WDR20: variants seen among roughly 807,000 people sequenced by gnomAD.
WDR20 encodes WD repeat domain 20, also known as WD repeat-containing protein 20.
A neutral mutation model predicts 38.7 loss-of-function variants in WDR20; 3 were observed. The ratio of observed to expected loss-of-function variants is 0.08; its 90% CI spans 0.04 to 0.20. WDR20 has a LOEUF of 0.20. WDR20 is among the 10% of genes least tolerant of loss of function. The pLI is 1.00. For synonymous variants in WDR20, 298 were observed against 285.6 expected (o/e 1.04, Z -0.44); for missense variants, 559 against 727.7 (o/e 0.77, Z 2.67).
intron 2 of WDR20, among the ~76,000 whole-genome samples, chr14:102,199,334 C>T (rs2059927180): frequency 6.6e-6 from 1 of 151,966 alleles, no homozygotes; most frequent in African/African-American, 2.4e-5. Flanking sequence ...AAGAGCGAGC[C>T]TTGGTGGATG....
In WDR20 at chr14:102,156,044, T is replaced by C. The variant is rs368165053; in HGVS notation, c.249+15872T>C. Among the ~76,000 whole-genome samples the C allele has an allele frequency of 7.4e-5, 11 of 148,744 alleles. No homozygotes were observed. In the East Asian group the frequency reaches 1.8e-3, roughly 25 times the overall value. The stretch of plus-strand genomic sequence containing the variant: ...CCTCCCACCTCGGCCTCCCAAAGCA[T>C]TGGGATTAGAGGCATGAGGCAGAGG... On this transcript the variant is annotated intron_variant, in intron 1 of 2. Coordinates refer to ENST00000342702, the MANE Select transcript of WDR20 (RefSeq NM_144574.4).
chr14:102,152,389 A>C (rs1324789688), intron 1 of WDR20, among the ~76,000 whole-genome samples: 1 of 151,540 alleles, frequency 6.6e-6, no homozygotes, highest in Non-Finnish European at 1.5e-5. Context: ...ATAATTATGG[A>C]TATTGTGCTA....
At chr14:102,173,073 C>T (rs1331094205) in intron 1 of WDR20, among the ~76,000 whole-genome samples, 1 of 151,018 alleles carries the variant, frequency 6.6e-6, no homozygotes, top group Non-Finnish European at 1.5e-5. Context: ...AAGAGGCGCT[C>T]CTCACTTCCT....
chr14:102,204,500 A>G (rs187379550), intron 2 of WDR20, among the ~76,000 whole-genome samples: 1 of 152,314 alleles, frequency 6.6e-6, no homozygotes, highest in East Asian at 1.9e-4. Flanking sequence ...CCTAAATTTC[A>G]TGAGGGAAAG....
At chr14:102,176,428 G>A (rs2062094770) in intron 1 of WDR20, among the ~76,000 whole-genome samples, 1 of 152,034 alleles carries the variant, frequency 6.6e-6, no homozygotes, top group African/African-American at 2.4e-5. Context: ...GCCGGGCGTG[G>A]TGGCTCACGC....
intron 1 of WDR20, among the ~76,000 whole-genome samples, chr14:102,160,285 A>G (rs894315391): frequency 2.0e-5 from 3 of 152,156 alleles, no homozygotes; most frequent in Non-Finnish European, 4.4e-5. Context: ...CAGAACATTT[A>G]CATGGTTGCA....
At chr14:102,210,835 C>T (rs1026537682), downstream of WDR20, among the ~76,000 whole-genome samples, 9 of 152,336 alleles carry the variant, frequency 5.9e-5, no homozygotes, top group East Asian at 1.7e-3. Context: ...AGTCTTCCGA[C>T]TTCTCCCTGA....
chr14:102,220,449 T>C lies in WDR20; in HGVS notation c.1693-2381T>C, dbSNP rs982856008. ...AGTTAAAATATTAAAATTGGCCAGG[T>C]GCGGTGGCTCACGCCTGTAATCCCA... On this transcript the variant is annotated intron_variant, in intron 3 of 3. Transcript: ENST00000335263. This position sits in a 1 kb window ranked among gnomAD's most constrained non-coding sequence, Gnocchi z 4.2. Among the ~76,000 whole-genome samples the C allele has an allele frequency of 2.6e-5, 4 of 152,202 alleles. No homozygotes were observed. The highest frequency in any genetic ancestry group is 5.9e-5 in the Non-Finnish European group (4 of 68,030).
intron 1 of WDR20, among the ~76,000 whole-genome samples, chr14:102,146,917 G>A (rs1035574179): frequency 2.6e-5 from 4 of 152,168 alleles, no homozygotes; most frequent in Non-Finnish European, 4.4e-5. Context: ...GTCACAGAGG[G>A]TTGCTGAATG....
intron 1 of WDR20, among the ~76,000 whole-genome samples, chr14:102,162,483 T>G (rs1490355124): frequency 6.6e-6 from 1 of 152,218 alleles, no homozygotes; most frequent in African/African-American, 2.4e-5. Flanking sequence ...ATGTTCATTT[T>G]TAAGTTGAAC....
downstream of WDR20, chr14:102,213,104 G>A (rs961850169): frequency 2.4e-5 from 24 of 986,352 alleles, no homozygotes; most frequent in Non-Finnish European, 2.8e-5. Flanking sequence ...GCTTCAACTC[G>A]CCCTCCTTGG....
chr14:102,194,355 C>T (rs375322503), intron 1 of WDR20, among the ~76,000 whole-genome samples: 9 of 152,162 alleles, frequency 5.9e-5, no homozygotes, highest in African/African-American at 9.7e-5. Context: ...TAGACTTGAG[C>T]GGGCATCAGA....
chr14:102,181,482 C>CTT (rs72280704), intron 1 of WDR20, among the ~76,000 whole-genome samples: 1 of 146,452 alleles, frequency 6.8e-6, no homozygotes, highest in Non-Finnish European at 1.5e-5. Flanking sequence ...ACAAGTGTGA[C>CTT]TTTTTTTTTT....
intron 1 of WDR20, among the ~76,000 whole-genome samples, chr14:102,181,919 T>C (rs1239035297): frequency 6.6e-5 from 10 of 152,220 alleles, no homozygotes; most frequent in Admixed American, 6.5e-4. Flanking sequence ...CTGTCCCTTA[T>C]TGAGACTACA....
At chr14:102,143,664 C>T (rs1413114595) in intron 1 of WDR20, among the ~76,000 whole-genome samples, 1 of 151,900 alleles carries the variant, frequency 6.6e-6, no homozygotes, top group African/African-American at 2.4e-5. Flanking sequence ...CCTCCCTCAG[C>T]CTCCCGAGCA....
rs1235320506 is a variant in WDR20 at position 102,209,425 on chromosome 14, A to G, written c.1255A>G (p.Thr419Ala). The G allele has an allele frequency of 1.2e-6, 2 of 1,614,216 alleles. No homozygotes were observed. Among genetic ancestry groups the G allele is most frequent in the East Asian group, 4.5e-5 (2 of 44,892 alleles). ...PPAGSNGNSV[T>A]TPGNSVPPPL... is the part of the protein sequence containing the mutation. ...TGCTGGAAGCAATGGGAACAGTGTT[A>G]CAACACCCGGGAACTCTGTGCCGCC... is the stretch of plus-strand genomic sequence containing the variant. The change falls in exon 3 of 3, where the codon ACA becomes GCA. Residue 419 changes from threonine to alanine, a missense_variant. Transcript: ENST00000342702. This position sits in a 1 kb window ranked among gnomAD's most constrained non-coding sequence, Gnocchi z 6.0.
chr14:102,213,192 G>C, downstream of WDR20: 1 of 985,516 alleles, frequency 1.0e-6, no homozygotes, highest in South Asian at 4.7e-5. Context: ...AACACTACTG[G>C]TGGCCCTGGA....
chr14:102,200,606 T>C (rs1222565877), intron 2 of WDR20, among the ~76,000 whole-genome samples: 1 of 152,120 alleles, frequency 6.6e-6, no homozygotes, highest in Admixed American at 6.6e-5. Context: ...TGGTAATGAA[T>C]GCAACCTTGT....
In WDR20 at chr14:102,221,594, A is replaced by C. The variant is rs2063906139; in HGVS notation, c.1693-1236A>C. Among the ~76,000 whole-genome samples the C allele has an allele frequency of 6.6e-6, 1 of 152,184 alleles. No individual in the cohort carries two copies. The highest frequency in any genetic ancestry group is 1.5e-5 in the Non-Finnish European group (1 of 68,036). ...AAAAGCACTCCTATAGACTCTGAGC[A>C]GGGGCAGCTGCCACATTCCGTTTGC... On this transcript the variant is annotated intron_variant, in intron 3 of 3. Transcript: ENST00000335263. This position sits in a 1 kb window ranked among gnomAD's most constrained non-coding sequence, Gnocchi z 4.8.
Sources: allele counts gnomAD v4.1 joint callset (sites outside exome capture counted in the v4.1 genomes callset), GRCh38; gene constraint gnomAD v4.1.1; non-coding constraint Gnocchi (gnomAD v3.1); transcripts MANE v1.5; gene names NCBI Gene and HGNC (gene_info 2026-07-23, HGNC 2026-07-21).